The following SSH2 variants were observed in gnomAD, a reference collection of about 807,000 sequenced individuals.
SSH2 encodes the protein slingshot protein phosphatase 2.
In SSH2, 37 loss-of-function variants were observed where a neutral mutation model predicts 135.2. The observed-to-expected ratio is 0.27, with a 90% confidence interval of 0.21 to 0.36. The LOEUF (loss-of-function observed/expected upper bound fraction) is 0.36. Among genes scored for constraint, SSH2 ranks in the 10% least tolerant of loss-of-function variants. The probability of loss-of-function intolerance (pLI) is 1.00; values close to 1 mark genes in which losing one functional copy is unlikely to be tolerated. For synonymous variants in SSH2, 628 were observed against 646.2 expected, an observed-to-expected ratio of 0.97 and a Z score of 0.43; for missense variants, 1,408 against 1,765.3, an observed-to-expected ratio of 0.80 and a Z score of 3.63.
At position 29,630,905 on chromosome 17, in the gene SSH2, A is replaced by AG; in HGVS notation, c.4288dup (p.Leu1430ProfsTer2). On this transcript the variant is annotated frameshift_variant, in exon 16 of 16. Coordinates refer to ENST00000540801, the MANE Select transcript of SSH2 (RefSeq NM_001282129.2). LOFTEE classifies it high-confidence loss of function. ...GTCATTTGCCTTTTTCAGTCTCCTA[A>AG]GGGGGTGAGTTCTGCCGTGTTGCTG... The AG allele has an allele frequency of 3.1e-6, 5 of 1,602,480 alleles. No homozygotes were observed. Among genetic ancestry groups the AG allele is most frequent in the Non-Finnish European group, 4.3e-6 (5 of 1,170,910 alleles).
chr17:29,733,923 T>C (rs1447566070), intron 3 of SSH2, among the ~76,000 whole-genome samples: 1 of 150,182 alleles, frequency 6.7e-6, no homozygotes, highest in African/African-American at 2.4e-5. Context: ...TTTTTTTTTT[T>C]TTTTTGAGAT....
chr17:29,817,303 A>G (rs1383956350), intron 2 of SSH2, among the ~76,000 whole-genome samples: 1 of 152,050 alleles, frequency 6.6e-6, no homozygotes, highest in African/African-American at 2.4e-5. Context: ...TTACCCTCCC[A>G]TTTTACACAA....
At chr17:29,648,878 T>C (rs563282793) in intron 13 of SSH2, among the ~76,000 whole-genome samples, 3 of 152,110 alleles carry the variant, frequency 2.0e-5, no homozygotes, top group African/African-American at 4.8e-5. Flanking sequence ...CAGCGGCTCA[T>C]GCCTGTAATC....
At chr17:29,709,015 T>TATATATATATAGAGAGAG (rs780981175) in intron 3 of SSH2, among the ~76,000 whole-genome samples, 23 of 81,590 alleles carry the variant, frequency 2.8e-4, no homozygotes, top group East Asian at 1.8e-3. Context: ...TATATATATA[T>TATATATATATAGAGAGAG]AGAGAGAGAG....
At chr17:29,843,754 C>T (rs568448078) in intron 2 of SSH2, among the ~76,000 whole-genome samples, 171 of 152,238 alleles carry the variant, frequency 1.1e-3, no homozygotes, top group Middle Eastern at 0.01. Context: ...TACTCCACAT[C>T]AGGCCTTGAA....
chr17:29,842,549 G>A (rs192526888), intron 2 of SSH2, among the ~76,000 whole-genome samples: 105 of 151,506 alleles, frequency 6.9e-4, no homozygotes, highest in African/African-American at 2.5e-3. Context: ...AATAGCCTTT[G>A]TACCCAAGAT....
At chr17:29,858,014 G>A (rs770165701) in intron 1 of SSH2, among the ~76,000 whole-genome samples, 4 of 152,134 alleles carry the variant, frequency 2.6e-5, no homozygotes, top group Non-Finnish European at 5.9e-5. Flanking sequence ...ATCTTACTTA[G>A]CATAAGGTCC....
intron 14 of SSH2, among the ~76,000 whole-genome samples, chr17:29,638,321 G>A (rs1162909303): frequency 6.7e-6 from 1 of 150,132 alleles, no homozygotes; most frequent in East Asian, 1.9e-4. Flanking sequence ...AACCTGTCAG[G>A]TATTTTAGTG....
At chr17:29,715,151 G>A (rs1378531420) in intron 3 of SSH2, among the ~76,000 whole-genome samples, 1 of 152,012 alleles carries the variant, frequency 6.6e-6, no homozygotes, top group African/African-American at 2.4e-5. Flanking sequence ...ACAGACGTGA[G>A]CCACTGCGCC....
intron 3 of SSH2, among the ~76,000 whole-genome samples, chr17:29,752,731 T>A (rs919803027): frequency 6.6e-6 from 1 of 150,726 alleles, no homozygotes; most frequent in South Asian, 2.1e-4. Flanking sequence ...AGTCAAGCAA[T>A]AGGCTAGGAG....
intron 1 of SSH2, among the ~76,000 whole-genome samples, chr17:29,849,345 G>A (rs2065505163): frequency 6.6e-6 from 1 of 152,054 alleles, no homozygotes; most frequent in South Asian, 2.1e-4. Flanking sequence ...CGGGTGTGGT[G>A]GCCGGTGCCT....
intron 11 of SSH2, among the ~76,000 whole-genome samples, chr17:29,657,773 CTA>C (rs1215445659): frequency 1.3e-5 from 2 of 151,378 alleles, no homozygotes; most frequent in African/African-American, 2.4e-5. Flanking sequence ...TGGGGTCTCA[CTA>C]TGTTGCCCAG....
intron 1 of SSH2, chr17:29,928,661 A>G (rs2067114639): frequency 2.5e-6 from 1 of 397,718 alleles, no homozygotes; most frequent in Non-Finnish European, 4.4e-6. Context: ...ATCACACAAA[A>G]TGCAATTAAA....
At chr17:29,718,567 A>C (rs2039706521) in intron 3 of SSH2, among the ~76,000 whole-genome samples, 1 of 151,938 alleles carries the variant, frequency 6.6e-6, no homozygotes, top group African/African-American at 2.4e-5. Context: ...CCTTGTCTCT[A>C]CTAAAAATAC....
intron 3 of SSH2, among the ~76,000 whole-genome samples, chr17:29,775,411 C>T (rs1289434517): frequency 6.6e-6 from 1 of 151,748 alleles, no homozygotes; most frequent in Non-Finnish European, 1.5e-5. Flanking sequence ...GCCTTAGCCT[C>T]CCATATTATG....
At chr17:29,802,266 A>G (rs2042262406) in intron 2 of SSH2, among the ~76,000 whole-genome samples, 2 of 152,232 alleles carry the variant, frequency 1.3e-5, no homozygotes, top group African/African-American at 4.8e-5. Flanking sequence ...GAATGAAAGT[A>G]AGCACAACTG....
At chr17:29,671,855 G>T in intron 9 of SSH2, 80 bp downstream of exon 9, 1 of 1,224,178 alleles carries the variant, frequency 8.2e-7, no homozygotes, top group Non-Finnish European at 1.2e-6. Context: ...CAAGAGAAAA[G>T]ATTAGGGAGG....
In SSH2 at chr17:29,926,729, C is replaced by A. The variant is rs2067073773; in HGVS notation, c.63+3209G>T. Among the ~76,000 whole-genome samples, 3 of 152,164 alleles carry A rather than the reference C, an allele frequency of 2.0e-5. No individual in the cohort carries two copies. The South Asian group carries it at 6.2e-4, about 32-fold the overall frequency. On this transcript the variant is annotated intron_variant, in intron 1 of 15. Coordinates refer to ENST00000540801, the MANE Select transcript of SSH2 (RefSeq NM_001282129.2). ...TCTCTTACTACTGTCCCATACAAAT[C>A]CTTCCTCAAACTGGTCTATTTAATT...
At chr17:29,786,878 T>C (rs1485657377) in intron 3 of SSH2, among the ~76,000 whole-genome samples, 1 of 152,162 alleles carries the variant, frequency 6.6e-6, no homozygotes, top group African/African-American at 2.4e-5. Context: ...AGCCCATTAC[T>C]GTATCGCTGC....
Sources: allele counts gnomAD v4.1 joint callset (sites outside exome capture counted in the v4.1 genomes callset), GRCh38; gene constraint gnomAD v4.1.1; transcripts MANE v1.5; gene names NCBI Gene and HGNC (gene_info 2026-07-23, HGNC 2026-07-21).